The following TTBK1 variants were observed in gnomAD, a reference collection of about 807,000 sequenced individuals.
The protein encoded by TTBK1 is tau tubulin kinase 1.
A neutral mutation model predicts 108.5 loss-of-function variants in TTBK1; 34 were observed. That is an observed-to-expected ratio of 0.31 (90% CI 0.24 to 0.42). The LOEUF (loss-of-function observed/expected upper bound fraction) is 0.42, where lower values mean the gene tolerates loss of function less well. Ranked by LOEUF, TTBK1 falls within the 10% of genes least tolerant of loss-of-function variation. TTBK1 has a pLI of 1.00. For synonymous variants in TTBK1, 809 were observed against 795.1 expected, an observed-to-expected ratio of 1.02 and a Z score of -0.29; for missense variants, 1,539 against 1,826.0, an observed-to-expected ratio of 0.84 and a Z score of 2.86.
In TTBK1 at chr6:43,269,366, CGGA is replaced by C. The variant is rs1777762756; in HGVS notation, c.1986+6022_1986+6024del. Among the ~76,000 whole-genome samples the C allele has an allele frequency of 6.6e-6, 1 of 152,184 alleles. No individual in the cohort carries two copies. The highest frequency in any genetic ancestry group is 2.4e-5 in the African/African-American group (1 of 41,454). ...GTAGGACTAAGCCAGGAAGGCTTCT[CGGA>C]GGAGGTGAGTGACCATGGTCTCCTT... is the stretch of plus-strand genomic sequence containing the variant. On this transcript the variant is annotated intron_variant, in intron 13 of 14. Coordinates refer to ENST00000259750, the MANE Select transcript of TTBK1 (RefSeq NM_032538.3). The surrounding 1 kb of genome is among the most constrained non-coding windows in gnomAD (Gnocchi z 4.8).
Position 43,273,898 on chromosome 6 carries a change from C to T in TTBK1, c.1987-8829C>T, listed in dbSNP as rs1777894963. On this transcript the variant is annotated intron_variant, in intron 13 of 14. Coordinates refer to ENST00000259750, the MANE Select transcript of TTBK1 (RefSeq NM_032538.3). This position sits in a 1 kb window ranked among gnomAD's most constrained non-coding sequence, Gnocchi z 4.2. ...AGGACTTCCTGCACCACCCTCTGTC[C>T]AGGGCTGCAGCACTCAAAGGCGACA... is the stretch of plus-strand genomic sequence containing the variant. Among the ~76,000 whole-genome samples, 1 of 152,170 alleles carries T rather than the reference C, an allele frequency of 6.6e-6. No homozygotes were observed. The highest frequency in any genetic ancestry group is 1.5e-5 in the Non-Finnish European group (1 of 68,042).
In TTBK1 at chr6:43,259,125, G is replaced by A. The variant is rs371609773; in HGVS notation, c.1104G>A (p.Glu368=). The A allele has an allele frequency of 1.1e-4, 185 of 1,614,030 alleles. No individual in the cohort carries two copies. The highest frequency in any genetic ancestry group is 4.0e-5 in the Non-Finnish European group (47 of 1,180,024). The change falls in exon 11 of 15, where the codon GAG becomes GAA. Residue 368 remains glutamate, a synonymous_variant. Coordinates refer to ENST00000259750, the MANE Select transcript of TTBK1 (RefSeq NM_032538.3). This position sits in a 1 kb window ranked among gnomAD's most constrained non-coding sequence, Gnocchi z 6.7. ...AGGGAGAGCACCTGAGTGACCAGGAGAATGCACCCCCAATTCTGCCCGGGA... is the reference window on the plus strand; with the variant it reads ...AGGGAGAGCACCTGAGTGACCAGGAAAATGCACCCCCAATTCTGCCCGGGA... ...VLQGEHLSDQ[E]NAPPILPGRP... is the part of the protein sequence containing the mutation.
intron 12 of TTBK1, among the ~76,000 whole-genome samples, chr6:43,261,890 G>A (rs966775577): frequency 2.0e-5 from 3 of 152,096 alleles, no homozygotes; most frequent in Non-Finnish European, 4.4e-5. Context: ...AGTCAGATGG[G>A]ACCCAGGCCC....
chr6:43,259,347 TC>T lies in TTBK1; in HGVS notation c.1248+80del. 1 of 1,360,776 alleles carries T rather than the reference TC, an allele frequency of 7.3e-7. No homozygotes were observed. Among genetic ancestry groups the T allele is most frequent in the Non-Finnish European group, 1.0e-6 (1 of 1,003,920 alleles). 84.3% of individuals were successfully genotyped at this position (1,360,776 alleles called of 1,614,324 possible). On this transcript the variant is annotated intron_variant, in intron 11 of 14. Coordinates refer to ENST00000259750, the MANE Select transcript of TTBK1 (RefSeq NM_032538.3). This position sits in a 1 kb window ranked among gnomAD's most constrained non-coding sequence, Gnocchi z 6.7. ...TCCCAGCCTTGTGCCCCTGCCCTGT[TC>T]CTCCTAAGCACCCTGTCCCCGGCCA... is the stretch of plus-strand genomic sequence containing the variant.
At chr6:43,271,572 T>C in intron 13 of TTBK1, 2 of 985,230 alleles carry the variant, frequency 2.0e-6, no homozygotes, top group Non-Finnish European at 2.4e-6. Flanking sequence ...ATTCCCCAGA[T>C]GTCTCTGGTT....
At position 43,266,998 on chromosome 6, in the gene TTBK1, CGTGTGTGTGTGTGTGT is replaced by C. The variant is rs3997628; in HGVS notation, c.1986+3687_1986+3702del. Among the ~76,000 whole-genome samples, 488 of 128,204 alleles carry C rather than the reference CGTGTGTGTGTGTGTGT, an allele frequency of 3.8e-3. 1 individual carries two copies. The highest frequency in any genetic ancestry group is 0.011 in the African/African-American group (386 of 33,658). The allele number at this position is 128,204 out of a possible 152,430, so 84.1% of individuals were successfully genotyped here. Reference sequence around the variant, plus strand: ...AGGATCAGAGAGAGCCTGGAGCATGCGTGTGTGTGTGTGTGTGTGTGTGTGTGTGTGTGTGTGTGTG... The same window carrying C: ...AGGATCAGAGAGAGCCTGGAGCATGCGTGTGTGTGTGTGTGTGTGTGTGTG... On this transcript the variant is annotated intron_variant, in intron 13 of 14. Coordinates refer to ENST00000259750, the MANE Select transcript of TTBK1 (RefSeq NM_032538.3).
Position 43,259,107 on chromosome 6 carries a change from G to C in TTBK1, c.1086G>C (p.Glu362Asp). The stretch of plus-strand genomic sequence containing the variant: ...ACACCGAGGATGTGCTACAGGGAGA[G>C]CACCTGAGTGACCAGGAGAATGCAC... Reference protein sequence around the residue: ...RENTEDVLQGEHLSDQENAPP... With the variant: ...RENTEDVLQGDHLSDQENAPP... The change falls in exon 11 of 15, where the codon GAG becomes GAC. Residue 362 changes from glutamate to aspartate, a missense_variant. By Grantham distance (45) the Glu-to-Asp change is conservative. Coordinates refer to ENST00000259750, the MANE Select transcript of TTBK1 (RefSeq NM_032538.3). This position sits in a 1 kb window ranked among gnomAD's most constrained non-coding sequence, Gnocchi z 6.7. 6.2e-7 allele frequency: 1 copy of C among 1,614,176 alleles called. No individual in the cohort carries two copies.
At position 43,263,808 on chromosome 6, in the gene TTBK1, A is replaced by G. The variant is rs1777609311; in HGVS notation, c.1986+458A>G. ...ACTGAAGGCTTTTAAACAGGAGTGCAATATGATTACATTGGTACTGTTGAA... is the reference window on the plus strand; with the variant it reads ...ACTGAAGGCTTTTAAACAGGAGTGCGATATGATTACATTGGTACTGTTGAA... On this transcript the variant is annotated intron_variant, in intron 13 of 14. Transcript: ENST00000259750. This position sits in a 1 kb window ranked among gnomAD's most constrained non-coding sequence, Gnocchi z 4.7. 6.6e-6 allele frequency among the ~76,000 whole-genome samples: 1 copy of G among 152,152 alleles called. No individual in the cohort carries two copies. The highest frequency in any genetic ancestry group is 6.5e-5 in the Admixed American group (1 of 15,272).
chr6:43,246,525 G>A, intron 1 of TTBK1, 82 bp from the exon 2 acceptor site: 1 of 604,960 alleles, frequency 1.7e-6, no homozygotes. Context: ...ATGCAGAGCA[G>A]GAGTGGAGCT....
At chr6:43,275,007 G>T (rs1208339878) in intron 13 of TTBK1, among the ~76,000 whole-genome samples, 1 of 152,158 alleles carries the variant, frequency 6.6e-6, no homozygotes, top group African/African-American at 2.4e-5. Context: ...CACAGGCTGT[G>T]GGGGTGCGGG....
rs971214946 is a variant in TTBK1 at position 43,282,111 on chromosome 6, A to G, written c.1987-616A>G. Among the ~76,000 whole-genome samples the G allele has an allele frequency of 2.6e-5, 4 of 152,204 alleles. No individual in the cohort carries two copies. The highest frequency in any genetic ancestry group is 5.9e-5 in the Non-Finnish European group (4 of 68,030). On this transcript the variant is annotated intron_variant, in intron 13 of 14. Coordinates refer to ENST00000259750, the MANE Select transcript of TTBK1 (RefSeq NM_032538.3). This position sits in a 1 kb window ranked among gnomAD's most constrained non-coding sequence, Gnocchi z 5.4. ...TTGGAGGTCGAGGGGCCCAGCCTGCACTTTTAAGGGTAGAGGACAGCCCCG... is the reference window on the plus strand; with the variant it reads ...TTGGAGGTCGAGGGGCCCAGCCTGCGCTTTTAAGGGTAGAGGACAGCCCCG...
chr6:43,283,439 C>G lies in TTBK1; in HGVS notation c.2699C>G (p.Pro900Arg), dbSNP rs1391438602. 3 of 1,613,468 alleles carry G rather than the reference C, an allele frequency of 1.9e-6. No homozygotes were observed. Among genetic ancestry groups the G allele is most frequent in the Non-Finnish European group, 2.5e-6 (3 of 1,179,804 alleles). ...VLKSEPKPPG[P>R]GAGLGAGTVT... is the part of the protein sequence containing the mutation. Reference sequence around the variant, plus strand: ...AAGTCTGAGCCCAAGCCCCCGGGGCCTGGGGCAGGGCTGGGGGCCGGGACA... The same window carrying G: ...AAGTCTGAGCCCAAGCCCCCGGGGCGTGGGGCAGGGCTGGGGGCCGGGACA... Residue 900 changes from proline (P) to arginine (R), a missense_variant, in exon 14 of 15, where the codon CCT becomes CGT. This residue lies in a region of TTBK1 where 1,055 missense variants were observed against 1,086.5 expected (regional missense o/e 0.97). Transcript: ENST00000259750. This position sits in a 1 kb window ranked among gnomAD's most constrained non-coding sequence, Gnocchi z 8.1.
At position 43,246,645 on chromosome 6, in the gene TTBK1, T is replaced by G; in HGVS notation, c.-16T>G. 1.9e-6 allele frequency: 3 copies of G among 1,585,674 alleles called. No individual in the cohort carries two copies. Among genetic ancestry groups the G allele is most frequent in the Non-Finnish European group, 2.6e-6 (3 of 1,163,910 alleles). On this transcript the variant is annotated 5_prime_UTR_variant, in exon 2 of 15. Transcript: ENST00000259750. ...TCAGGGCAGGCCCGGCGGACACCCC[T>G]CCCTCTGGCTGGCGGATGCAGTGCC...
chr6:43,255,881 G>A (rs747576948), intron 9 of TTBK1, 25 bp downstream of exon 9: 31 of 1,613,422 alleles, frequency 1.9e-5, no homozygotes, highest in Middle Eastern at 1.6e-4. Context: ...CCCTGCCCCC[G>A]CTCCCTCGAC....
At chr6:43,258,530 T>C (rs1777437804) in intron 10 of TTBK1, among the ~76,000 whole-genome samples, 1 of 152,014 alleles carries the variant, frequency 6.6e-6, no homozygotes, top group African/African-American at 2.4e-5. Context: ...GGTAGCACAT[T>C]ACAGTGCCCA....
Position 43,255,545 on chromosome 6 carries a change from C to T in TTBK1, c.643-7C>T, listed in dbSNP as rs1447326107. The T allele has an allele frequency of 6.3e-7, 1 of 1,594,094 alleles. No homozygotes were observed. On this transcript the variant is annotated splice_polypyrimidine_tract_variant and splice_region_variant and intron_variant, in intron 7 of 14. Coordinates refer to ENST00000259750, the MANE Select transcript of TTBK1 (RefSeq NM_032538.3). ...AGCTGCAGGTGACTCCCTCCCCCCACCTCCAGGAGATGGGCCGCCACGACG... is the reference window on the plus strand; with the variant it reads ...AGCTGCAGGTGACTCCCTCCCCCCATCTCCAGGAGATGGGCCGCCACGACG...
chr6:43,283,899 G>A lies in TTBK1; in HGVS notation c.3159G>A (p.Arg1053=), dbSNP rs61735048. ...ATGCTATGCCAGGCTCTCGCCCCAGGAGCCGTATCCCTGTCCTGCTCTCTG... is the reference window on the plus strand; with the variant it reads ...ATGCTATGCCAGGCTCTCGCCCCAGAAGCCGTATCCCTGTCCTGCTCTCTG... The part of the protein sequence containing the change: ...RRHAMPGSRP[R]SRIPVLLSEE... The change falls in exon 14 of 15, where the codon AGG becomes AGA. Residue 1053 remains arginine, a synonymous_variant. Coordinates refer to ENST00000259750, the MANE Select transcript of TTBK1 (RefSeq NM_032538.3). The surrounding 1 kb of genome is among the most constrained non-coding windows in gnomAD (Gnocchi z 8.1). 3.5e-3 allele frequency: 5,608 copies of A among 1,612,172 alleles called. 181 individuals carry two copies. In the African/African-American group the frequency reaches 0.064, roughly 18 times the overall value.
intron 2 of TTBK1, among the ~76,000 whole-genome samples, chr6:43,246,981 C>T (rs1398714240): frequency 6.6e-6 from 1 of 152,208 alleles, no homozygotes; most frequent in Non-Finnish European, 1.5e-5. Context: ...CCCTCTCTCA[C>T]CCCTCTTCCC....
chr6:43,284,075 C>A lies in TTBK1; in HGVS notation c.3335C>A (p.Ser1112Tyr). The A allele has an allele frequency of 6.5e-7, 1 of 1,540,510 alleles. No homozygotes were observed. Among genetic ancestry groups the A allele is most frequent in the Admixed American group, 2.0e-5 (1 of 51,102 alleles). ...LLRLASGASS[S>Y]SSEEQRRASE... ...CGGCTGGCCTCAGGGGCCTCGTCCTCCTCCAGTGAGGAGCAGCGCCGTGCC... is the reference window on the plus strand; with the variant it reads ...CGGCTGGCCTCAGGGGCCTCGTCCTACTCCAGTGAGGAGCAGCGCCGTGCC... Residue 1112 changes from serine (S) to tyrosine (Y), a missense_variant, in exon 14 of 15, where the codon TCC becomes TAC. Around this residue, in one of 5 missense-constraint regions of TTBK1, gnomAD observed 1,055 missense variants for 1,086.5 expected, o/e 0.97. Coordinates refer to ENST00000259750, the MANE Select transcript of TTBK1 (RefSeq NM_032538.3).
Sources: gnomAD v4.1 joint callset for allele counts (sites outside exome capture counted in the v4.1 genomes callset) on GRCh38, gnomAD v4.1.1 for gene constraint, gnomAD v4.1.1 regional missense constraint, Gnocchi (gnomAD v3.1) non-coding constraint, MANE v1.5 for transcripts, NCBI Gene and HGNC (gene_info 2026-07-23, HGNC 2026-07-21) for gene names.